SLC19A3: variants seen among roughly 807,000 people sequenced by gnomAD.
SLC19A3 encodes thiamine transporter 2.
Under a neutral mutation model 40.2 loss-of-function variants are expected in SLC19A3, and 31 were observed. The ratio of observed to expected loss-of-function variants is 0.77; its 90% CI spans 0.58 to 1.04. The LOEUF is 1.04. Among genes scored for constraint, SLC19A3 ranks in the 50% least tolerant of loss-of-function variants. The pLI, the probability that SLC19A3 is intolerant of heterozygous loss-of-function variation, is 0.00. For missense variants in SLC19A3, 592 were observed against 596.7 expected, an observed-to-expected ratio of 0.99 and a Z score of 0.08; for synonymous variants, 212 against 227.5, an observed-to-expected ratio of 0.93 and a Z score of 0.61.
Position 227,686,024 on chromosome 2 carries a change from C to CCAT in SLC19A3, c.*1370_*1372dup. The CCAT allele has an allele frequency of 3.3e-6, 1 of 306,620 alleles. No individual in the cohort carries two copies. Among genetic ancestry groups the CCAT allele is most frequent in the Non-Finnish European group, 6.7e-6 (1 of 150,334 alleles). 19.0% of individuals were successfully genotyped at this position (306,620 alleles called of 1,614,324 possible). A position where few individuals can be genotyped will look rare whatever the true frequency, so the allele number is the denominator to read the frequency against. ...CCAGCCTGGCCAACATTGTGAAACCCCATCTCCACTAAAAATACAAAAATT... is the reference window on the plus strand; with the variant it reads ...CCAGCCTGGCCAACATTGTGAAACCCCATCATCTCCACTAAAAATACAAAAATT... On this transcript the variant is annotated 3_prime_UTR_variant, in exon 6 of 6. Coordinates refer to ENST00000644224, the MANE Select transcript of SLC19A3 (RefSeq NM_025243.4).
chr2:227,699,713 A>G, intron 2 of SLC19A3, 149 bp from the exon 3 acceptor site: 1 of 778,552 alleles, frequency 1.3e-6, no homozygotes. Flanking sequence ...AAATCACAAG[A>G]AAAGATAGTC....
At chr2:227,688,948 A>T (rs1388760525) in intron 4 of SLC19A3, among the ~76,000 whole-genome samples, 7 of 152,198 alleles carry the variant, frequency 4.6e-5, no homozygotes, top group African/African-American at 1.7e-4. Flanking sequence ...AAAAGAATCA[A>T]GCAGAAATGC....
chr2:227,708,923 G>A (rs2106339657), intron 1 of SLC19A3, among the ~76,000 whole-genome samples: 1 of 152,284 alleles, frequency 6.6e-6, no homozygotes, highest in Middle Eastern at 3.4e-3. Context: ...TCTTATCTCA[G>A]AGTCACTGTG....
intron 1 of SLC19A3, among the ~76,000 whole-genome samples, chr2:227,707,232 T>C (rs746411765): frequency 6.6e-6 from 1 of 152,222 alleles, no homozygotes; most frequent in Non-Finnish European, 1.5e-5. Context: ...GCATTGCAAG[T>C]GGTCACTTCA....
intron 1 of SLC19A3, among the ~76,000 whole-genome samples, chr2:227,713,975 G>A (rs1696240643): frequency 6.6e-6 from 1 of 152,066 alleles, no homozygotes; most frequent in South Asian, 2.1e-4. Flanking sequence ...CGGTCATCTT[G>A]GAGGTGGGGG....
At position 227,698,985 on chromosome 2, in the gene SLC19A3, G is replaced by A; in HGVS notation, c.730C>T (p.Leu244=). The A allele has an allele frequency of 6.2e-7, 1 of 1,614,202 alleles. No homozygotes were observed. The highest frequency in any genetic ancestry group is 8.5e-7 in the Non-Finnish European group (1 of 1,180,036). ...AGGCTGTTCAGCTGGCCCTTATTCAGCTTCCCTGAAGTGCTGAGTATTTCT... is the reference window on the plus strand; with the variant it reads ...AGGCTGTTCAGCTGGCCCTTATTCAACTTCCCTGAAGTGCTGAGTATTTCT... ...TSEILSTSGK[L]NKGQLNSLKP... is the part of the protein sequence containing the mutation. The change falls in exon 3 of 6, where the codon CTG becomes TTG. Residue 244 remains leucine (L), a synonymous_variant. Transcript: ENST00000644224.
chr2:227,714,478 C>A, intron 1 of SLC19A3: 4 of 985,358 alleles, frequency 4.1e-6, no homozygotes, highest in Non-Finnish European at 4.8e-6. Flanking sequence ...CAGTTTCTTT[C>A]TTTCTAGAAC....
chr2:227,692,766 C>T (rs994625246), intron 4 of SLC19A3, among the ~76,000 whole-genome samples: 2 of 152,124 alleles, frequency 1.3e-5, no homozygotes, highest in African/African-American at 2.4e-5. Flanking sequence ...TCAAATTATC[C>T]TTGCTTGCAG....
At chr2:227,712,525 T>C (rs1696177569) in intron 1 of SLC19A3, among the ~76,000 whole-genome samples, 1 of 152,212 alleles carries the variant, frequency 6.6e-6, no homozygotes, top group Non-Finnish European at 1.5e-5. Context: ...GAGGCCAGCA[T>C]ACCAAATGTT....
intron 1 of SLC19A3, 145 bp from the exon 2 acceptor site, chr2:227,702,465 C>G: frequency 1.3e-6 from 1 of 754,102 alleles, no homozygotes; most frequent in Non-Finnish European, 2.2e-6. Context: ...ATGATCTCAG[C>G]CCATTGCAAC....
intron 1 of SLC19A3, among the ~76,000 whole-genome samples, chr2:227,715,106 C>T (rs1015863839): frequency 2.0e-5 from 3 of 151,894 alleles, no homozygotes; most frequent in South Asian, 2.1e-4. Context: ...AGGTGTGAGC[C>T]GCCGTGCCTG....
In SLC19A3 at chr2:227,703,982, GA is replaced by G. The variant is rs56145335; in HGVS notation, c.-2-1663del. On this transcript the variant is annotated intron_variant, in intron 1 of 5. Coordinates refer to ENST00000644224, the MANE Select transcript of SLC19A3 (RefSeq NM_025243.4). This position sits in a 1 kb window ranked among gnomAD's most constrained non-coding sequence, Gnocchi z 4.7. ...TCGATTTAGTTGGGATGGTCAAGCA[GA>G]AAAAAACCTATAATAAGACATGCCC... Among the ~76,000 whole-genome samples the G allele has an allele frequency of 1.3e-5, 2 of 151,984 alleles. No homozygotes were observed. Among genetic ancestry groups the G allele is most frequent in the African/African-American group, 4.8e-5 (2 of 41,372 alleles).
intron 4 of SLC19A3, among the ~76,000 whole-genome samples, chr2:227,692,827 A>G (rs866133093): frequency 6.6e-6 from 1 of 152,216 alleles, no homozygotes; most frequent in Middle Eastern, 3.2e-3. Context: ...CCAATAAACT[A>G]TTAGAACTGA....
chr2:227,689,680 G>T (rs1408499362), intron 4 of SLC19A3, among the ~76,000 whole-genome samples: 1 of 152,196 alleles, frequency 6.6e-6, no homozygotes, highest in Non-Finnish European at 1.5e-5. Flanking sequence ...AAACTCACTT[G>T]TAATAATAGG....
Position 227,688,320 on chromosome 2 carries a change from A to G in SLC19A3, c.1173-13T>C. The G allele has an allele frequency of 6.2e-7, 1 of 1,612,336 alleles. No individual in the cohort carries two copies. Among genetic ancestry groups the G allele is most frequent in the South Asian group, 1.1e-5 (1 of 91,044 alleles). ...TGCAATCTGAAATCTATCATTAAAC[A>G]TAAATAAGCATTTTAACTATAATAT... On this transcript the variant is annotated splice_polypyrimidine_tract_variant and intron_variant, in intron 4 of 5. Transcript: ENST00000644224.
intron 1 of SLC19A3, among the ~76,000 whole-genome samples, chr2:227,709,411 G>A (rs191265440): frequency 6.6e-6 from 1 of 152,254 alleles, no homozygotes; most frequent in Admixed American, 6.5e-5. Context: ...CTTGTACCTG[G>A]GAAGTGGAGG....
In SLC19A3 at chr2:227,688,208, A is replaced by C. The variant is rs1695092171; in HGVS notation, c.1272T>G (p.Ile424Met). 6.2e-7 allele frequency: 1 copy of C among 1,613,996 alleles called. No individual in the cohort carries two copies. Among genetic ancestry groups the C allele is most frequent in the Non-Finnish European group, 8.5e-7 (1 of 1,179,968 alleles). Residue 424 changes from isoleucine to methionine, a missense_variant, in exon 5 of 6, where the codon ATT becomes ATG. Coordinates refer to ENST00000644224, the MANE Select transcript of SLC19A3 (RefSeq NM_025243.4). ...AGTTGAGCCCTCTCTGATCTACTAC[A>C]ATCACAGTCATGATGGTCTGAATCA... Reference protein sequence around the residue: ...ALVIQTIMTVIVVDQRGLNLP... With the variant: ...ALVIQTIMTVMVVDQRGLNLP...
intron 1 of SLC19A3, among the ~76,000 whole-genome samples, chr2:227,708,296 CAT>C (rs1423436796): frequency 2.0e-5 from 3 of 152,172 alleles, no homozygotes; most frequent in Admixed American, 1.3e-4. Flanking sequence ...CAACCTATTA[CAT>C]GTTTGCAAAA....
rs770488061 is a variant in SLC19A3 at position 227,699,093 on chromosome 2, T to C, written c.622A>G (p.Lys208Glu). The C allele has an allele frequency of 1.2e-6, 2 of 1,614,228 alleles. No individual in the cohort carries two copies. The highest frequency in any genetic ancestry group is 2.2e-5 in the South Asian group (2 of 91,080). ...FFHAKPSREI[K>E]KSSSVNPVLE... ...ACTGGATTCACGCTTGATGACTTCT[T>C]TATTTCTCTGCTGGGTTTTGCATGA... The change falls in exon 3 of 6, where the codon AAG (lysine) becomes GAG (glutamate). Residue 208 changes from lysine (K) to glutamate (E), a missense_variant. Lys to Glu is a moderately conservative substitution (Grantham distance 56). Coordinates refer to ENST00000644224, the MANE Select transcript of SLC19A3 (RefSeq NM_025243.4).
Sources: allele counts gnomAD v4.1 joint callset (sites outside exome capture counted in the v4.1 genomes callset), GRCh38; gene constraint gnomAD v4.1.1; non-coding constraint Gnocchi (gnomAD v3.1); transcripts MANE v1.5; gene names NCBI Gene and HGNC (gene_info 2026-07-23, HGNC 2026-07-21).